Variants in ERCC8 observed in about 807,000 individuals in gnomAD.
The protein encoded by ERCC8 is ERCC excision repair 8, CSA ubiquitin ligase complex subunit.
Under a neutral mutation model 54.9 loss-of-function variants are expected in ERCC8, and 52 were observed. The observed-to-expected ratio is 0.95, with a 90% CI of 0.76 to 1.19. The LOEUF (loss-of-function observed/expected upper bound fraction) is 1.19, where lower values mean the gene tolerates loss of function less well. ERCC8 is among the 50% of genes most tolerant of loss of function. The pLI is 0.00. For missense variants in ERCC8, 514 were observed against 466.1 expected (o/e 1.10, Z -0.95); for synonymous variants, 146 against 157.2 (o/e 0.93, Z 0.53).
chr5:60,912,251 G>A (rs953743002), intron 4 of ERCC8, among the ~76,000 whole-genome samples: 2 of 151,926 alleles, frequency 1.3e-5, no homozygotes, highest in African/African-American at 4.8e-5. Flanking sequence ...ATTTGTTTGT[G>A]TCCTCTTTTA....
rs1223642732 is a variant in ERCC8 at position 60,904,632 on chromosome 5, GTGTATATATATATATATATATATA to G, written c.481+136_481+159del. Among the ~76,000 whole-genome samples the G allele has an allele frequency of 2.8e-4, 10 of 35,886 alleles. 1 individual carries two copies. The East Asian group carries it at 0.01, about 37-fold the overall frequency. 23.5% of individuals were successfully genotyped at this position (35,886 alleles called of 152,430 possible). On this transcript the variant is annotated intron_variant, in intron 5 of 11. Transcript: ENST00000676185. ...TGTTGAATATATATAGTGTGTGTGT[GTGTATATATATATATATATATATA>G]TATATATATATATATATATATATAT...
At chr5:60,919,817 G>A (rs929700652) in intron 3 of ERCC8, among the ~76,000 whole-genome samples, 1 of 151,936 alleles carries the variant, frequency 6.6e-6, no homozygotes, top group Admixed American at 6.6e-5. Context: ...CTTTTTGGCT[G>A]TATAGTGAAG....
intron 1 of ERCC8, among the ~76,000 whole-genome samples, chr5:60,933,155 G>T (rs1025666090): frequency 6.7e-6 from 1 of 150,162 alleles, no homozygotes; most frequent in African/African-American, 2.5e-5. Flanking sequence ...GTTTTAAATG[G>T]CTTTTATAGG....
At position 60,868,829 on chromosome 5, in the gene ERCC8, CAGA is replaced by C. The variant is rs1467807760; in HGVS notation, c.*5783_*5785del. On this transcript the variant is annotated 3_prime_UTR_variant, in exon 12 of 12. Coordinates refer to ENST00000676185, the MANE Select transcript of ERCC8 (RefSeq NM_000082.4). ...ATTTAATACTTTTCCAGAATTAAAA[CAGA>C]AGAACTAGCACTATCCTGAGCCCTA... is the stretch of plus-strand genomic sequence containing the variant. 1.3e-5 allele frequency among the ~76,000 whole-genome samples: 2 copies of C among 152,174 alleles called. No homozygotes were observed. Among genetic ancestry groups the C allele is most frequent in the Non-Finnish European group, 2.9e-5 (2 of 68,008 alleles).
chr5:60,926,305 G>A (rs1364596942), intron 2 of ERCC8, among the ~76,000 whole-genome samples: 1 of 152,140 alleles, frequency 6.6e-6, no homozygotes, highest in Non-Finnish European at 1.5e-5. Context: ...TCTTCACTGA[G>A]AATGTCTTGT....
chr5:60,870,732 AAAG>A lies in ERCC8; in HGVS notation c.*3880_*3882del, dbSNP rs1216629988. On this transcript the variant is annotated 3_prime_UTR_variant, in exon 12 of 12. Coordinates refer to ENST00000676185, the MANE Select transcript of ERCC8 (RefSeq NM_000082.4). ...ACATGCAATTTTTAGATAATCCAAA[AAAG>A]AAGAAGGAAAAAGGAGAAGCAACAA... 2.0e-5 allele frequency among the ~76,000 whole-genome samples: 3 copies of A among 151,916 alleles called. No individual in the cohort carries two copies. The highest frequency in any genetic ancestry group is 6.6e-5 in the Admixed American group (1 of 15,246).
intron 2 of ERCC8, among the ~76,000 whole-genome samples, chr5:60,927,511 G>T (rs192972441): frequency 1.5e-4 from 23 of 152,278 alleles, no homozygotes; most frequent in African/African-American, 5.3e-4. Context: ...TGCCTCATCT[G>T]CATTTCTCAA....
Position 60,903,701 on chromosome 5 carries a change from G to C in ERCC8, c.497C>G (p.Pro166Arg). 1 of 1,612,402 alleles carries C rather than the reference G, an allele frequency of 6.2e-7. No individual in the cohort carries two copies. The highest frequency in any genetic ancestry group is 8.5e-7 in the Non-Finnish European group (1 of 1,179,210). The change falls in exon 6 of 12, where the codon CCC becomes CGC. Residue 166 changes from proline (P) to arginine (R), a missense_variant. Coordinates refer to ENST00000676185, the MANE Select transcript of ERCC8 (RefSeq NM_000082.4). ...HCLVAVGTRG[P>R]KVQLCDLKSG... is the part of the protein sequence containing the mutation. ...CTTCAAGTCACAAAGTTGTACTTTGGGTCCTCTAGTACCAACTGTAAAAAC... is the reference window on the plus strand; with the variant it reads ...CTTCAAGTCACAAAGTTGTACTTTGCGTCCTCTAGTACCAACTGTAAAAAC...
At chr5:60,903,038 C>T (rs903371905) in intron 6 of ERCC8, among the ~76,000 whole-genome samples, 3 of 151,806 alleles carry the variant, frequency 2.0e-5, no homozygotes, top group African/African-American at 7.2e-5. Flanking sequence ...TTTCCACCTG[C>T]CCAGCTTATA....
At chr5:60,908,583 A>ATT (rs3031040) in intron 4 of ERCC8, among the ~76,000 whole-genome samples, 202 of 141,870 alleles carry the variant, frequency 1.4e-3, no homozygotes, top group South Asian at 2.4e-3. Flanking sequence ...ATATATATAT[A>ATT]TTTTTTTTTT....
In ERCC8 at chr5:60,904,634, GTATATATATATATATATATATATATA is replaced by G. The variant is rs869039109; in HGVS notation, c.481+132_481+157del. Among the ~76,000 whole-genome samples the G allele has an allele frequency of 7.9e-3, 395 of 49,952 alleles. 12 individuals carry two copies. Among genetic ancestry groups the G allele is most frequent in the Middle Eastern group, 0.053 (5 of 94 alleles). 32.8% of individuals were successfully genotyped at this position (49,952 alleles called of 152,430 possible). On this transcript the variant is annotated intron_variant, in intron 5 of 11. Coordinates refer to ENST00000676185, the MANE Select transcript of ERCC8 (RefSeq NM_000082.4). ...TTGAATATATATAGTGTGTGTGTGT[GTATATATATATATATATATATATATA>G]TATATATATATATATATATATATAA...
In ERCC8 at chr5:60,871,974, A is replaced by AT. The variant is rs111710308; in HGVS notation, c.*2640dup. 2.4e-3 allele frequency among the ~76,000 whole-genome samples: 366 copies of AT among 151,976 alleles called. 8 individuals are homozygous for AT. The highest frequency in any genetic ancestry group is 8.6e-3 in the African/African-American group (356 of 41,438). The stretch of plus-strand genomic sequence containing the variant: ...CACAACACACTTGGTTAATTTTTGT[A>AT]TTTTTTATTTAGAGACGAGGTTTTG... On this transcript the variant is annotated 3_prime_UTR_variant, in exon 12 of 12. Coordinates refer to ENST00000676185, the MANE Select transcript of ERCC8 (RefSeq NM_000082.4).
At chr5:60,903,156 T>C (rs757136010) in intron 6 of ERCC8, among the ~76,000 whole-genome samples, 7 of 151,968 alleles carry the variant, frequency 4.6e-5, no homozygotes, top group Admixed American at 2.6e-4. Flanking sequence ...ATAAATTATA[T>C]TCTATCTTTT....
At chr5:60,941,590 T>G (rs775512860) in intron 1 of ERCC8, among the ~76,000 whole-genome samples, 1 of 152,192 alleles carries the variant, frequency 6.6e-6, no homozygotes. Context: ...GAACCCTAAC[T>G]AGGATAAATC....
At chr5:60,882,395 C>CTAT (rs1400374028) in intron 11 of ERCC8, among the ~76,000 whole-genome samples, 6 of 151,864 alleles carry the variant, frequency 4.0e-5, no homozygotes, top group African/African-American at 7.3e-5. Context: ...AGAAGCGAAA[C>CTAT]TATTATTATT....
chr5:60,933,222 T>TC (rs1749964789), intron 1 of ERCC8, among the ~76,000 whole-genome samples: 1 of 135,626 alleles, frequency 7.4e-6, no homozygotes, highest in African/African-American at 2.8e-5. Flanking sequence ...TTTTCTTTTT[T>TC]TTTTTTTTTT....
intron 4 of ERCC8, among the ~76,000 whole-genome samples, chr5:60,914,809 A>G (rs933194007): frequency 6.7e-6 from 1 of 149,304 alleles, no homozygotes; most frequent in African/African-American, 2.4e-5. Context: ...AAAAAAAAAA[A>G]GGATATTGAC....
intron 2 of ERCC8, among the ~76,000 whole-genome samples, chr5:60,923,823 C>T (rs1053407242): frequency 7.2e-5 from 11 of 152,050 alleles, no homozygotes; most frequent in Admixed American, 1.3e-4. Context: ...AATAGGGGAA[C>T]CATCAAAAAT....
At chr5:60,913,107 A>C (rs567207499) in intron 4 of ERCC8, among the ~76,000 whole-genome samples, 3 of 152,218 alleles carry the variant, frequency 2.0e-5, no homozygotes, top group East Asian at 1.9e-4. Flanking sequence ...CTGGCCTCAT[A>C]AAATGAGTTA....
Sources: gnomAD v4.1 joint callset for allele counts (sites outside exome capture counted in the v4.1 genomes callset) on GRCh38, gnomAD v4.1.1 for gene constraint, MANE v1.5 for transcripts, NCBI Gene and HGNC (gene_info 2026-07-23, HGNC 2026-07-21) for gene names.